Variants in CTNNBIP1 observed in about 807,000 individuals in gnomAD.
The protein encoded by CTNNBIP1 is catenin beta interacting protein 1.
A neutral mutation model predicts 11.8 loss-of-function variants in CTNNBIP1; 7 were observed. The observed-to-expected ratio is 0.60, with a 90% CI of 0.34 to 1.12. The LOEUF (loss-of-function observed/expected upper bound fraction) is 1.12. CTNNBIP1 is among the 50% of genes most tolerant of loss of function. The pLI is 0.03. For missense variants in CTNNBIP1, 101 were observed against 113.4 expected (o/e 0.89, Z 0.50); for synonymous variants, 58 against 43.9 (o/e 1.32, Z -1.26).
intron 5 of CTNNBIP1, 86 bp from the exon 6 acceptor site, chr1:9,850,862 G>T: frequency 8.0e-7 from 1 of 1,254,830 alleles, no homozygotes. Context: ...GGCCAAGCTG[G>T]AGCCCCCGCC....
At chr1:9,890,780 G>A (rs938746273) in intron 1 of CTNNBIP1, among the ~76,000 whole-genome samples, 1 of 152,220 alleles carries the variant, frequency 6.6e-6, no homozygotes, top group African/African-American at 2.4e-5. Flanking sequence ...AAGATCCTCT[G>A]TGTCAACTGG....
chr1:9,874,150 C>T (rs982658120), intron 3 of CTNNBIP1, among the ~76,000 whole-genome samples: 1 of 152,188 alleles, frequency 6.6e-6, no homozygotes, highest in South Asian at 2.1e-4. Flanking sequence ...TCCTGGCACT[C>T]GTCCGTTCTA....
intron 5 of CTNNBIP1, among the ~76,000 whole-genome samples, chr1:9,854,220 CA>C (rs1289961894): frequency 6.6e-6 from 1 of 151,994 alleles, no homozygotes; most frequent in Non-Finnish European, 1.5e-5. Context: ...ACTAAAAATA[CA>C]AAATTAGCTG....
At chr1:9,854,852 T>C (rs1239693091) in intron 5 of CTNNBIP1, among the ~76,000 whole-genome samples, 2 of 152,142 alleles carry the variant, frequency 1.3e-5, no homozygotes, top group African/African-American at 4.8e-5. Flanking sequence ...AATTTTTGTA[T>C]TTTTTGTAGA....
intron 1 of CTNNBIP1, among the ~76,000 whole-genome samples, chr1:9,906,787 A>C (rs1639628713): frequency 6.6e-6 from 1 of 152,202 alleles, no homozygotes; most frequent in Admixed American, 6.5e-5. Flanking sequence ...ATGAAAAGAC[A>C]GGGGCAGGGG....
At chr1:9,858,512 C>A (rs1218217271) in intron 5 of CTNNBIP1, among the ~76,000 whole-genome samples, 1 of 152,218 alleles carries the variant, frequency 6.6e-6, no homozygotes, top group Non-Finnish European at 1.5e-5. Context: ...GCCTTTGCAC[C>A]TGCCGCTTCT....
At chr1:9,878,691 T>C (rs914614516) in intron 2 of CTNNBIP1, among the ~76,000 whole-genome samples, 6 of 152,176 alleles carry the variant, frequency 3.9e-5, no homozygotes, top group Non-Finnish European at 8.8e-5. Context: ...AGCAAGAGCA[T>C]GGATTGCCGA....
intron 3 of CTNNBIP1, among the ~76,000 whole-genome samples, chr1:9,875,015 G>GTTTTC (rs1638935875): frequency 6.6e-6 from 1 of 152,194 alleles, no homozygotes; most frequent in African/African-American, 2.4e-5. Context: ...CTCCTGGTGA[G>GTTTTC]AGACAGGGTG....
chr1:9,876,387 C>T (rs975120622), intron 3 of CTNNBIP1, among the ~76,000 whole-genome samples: 5 of 152,056 alleles, frequency 3.3e-5, no homozygotes, highest in African/African-American at 1.2e-4. Context: ...GAGGCCGAGG[C>T]GGGCAGATCA....
chr1:9,898,195 TAAAA>T (rs1218224171), intron 1 of CTNNBIP1, among the ~76,000 whole-genome samples: 1 of 151,108 alleles, frequency 6.6e-6, no homozygotes, highest in Non-Finnish European at 1.5e-5. Context: ...TCTGATTACA[TAAAA>T]ATCAAAAACT....
chr1:9,860,448 A>C (rs1463965271), intron 5 of CTNNBIP1, among the ~76,000 whole-genome samples: 70 of 150,672 alleles, frequency 4.6e-4, no homozygotes, highest in East Asian at 1.6e-3. Flanking sequence ...AAAAAAAAAA[A>C]AAAAAACAAA....
intron 1 of CTNNBIP1, among the ~76,000 whole-genome samples, chr1:9,887,152 C>T (rs1557760428): frequency 6.6e-6 from 1 of 152,200 alleles, no homozygotes; most frequent in Admixed American, 6.5e-5. Flanking sequence ...CCAGGTGATG[C>T]TACCGAAGAA....
At chr1:9,874,079 C>T (rs1238812966) in intron 3 of CTNNBIP1, among the ~76,000 whole-genome samples, 1 of 152,160 alleles carries the variant, frequency 6.6e-6, no homozygotes, top group African/African-American at 2.4e-5. Context: ...GCCAGGGCTC[C>T]GCTGTCAGCC....
intron 2 of CTNNBIP1, among the ~76,000 whole-genome samples, chr1:9,880,510 G>A (rs1309477447): frequency 6.6e-6 from 1 of 152,070 alleles, no homozygotes; most frequent in Non-Finnish European, 1.5e-5. Flanking sequence ...GGGATTGCTG[G>A]GTCAAGTGGT....
chr1:9,889,162 C>G (rs1639245462), intron 1 of CTNNBIP1, among the ~76,000 whole-genome samples: 1 of 152,216 alleles, frequency 6.6e-6, no homozygotes, highest in Non-Finnish European at 1.5e-5. Context: ...TCCCCAGGAC[C>G]TGCACGCTGG....
At chr1:9,878,678 T>C (rs1460641236) in intron 2 of CTNNBIP1, among the ~76,000 whole-genome samples, 1 of 152,168 alleles carries the variant, frequency 6.6e-6, no homozygotes, top group East Asian at 1.9e-4. Flanking sequence ...CACAGGTTAA[T>C]GGAGCAAGAG....
intron 1 of CTNNBIP1, among the ~76,000 whole-genome samples, chr1:9,908,397 G>A (rs1327256149): frequency 5.3e-5 from 7 of 132,312 alleles, no homozygotes; most frequent in East Asian, 2.2e-4. Context: ...TTTTTGAGAC[G>A]GAGTCTCGCT....
At chr1:9,862,636 T>C (rs1250735816) in intron 5 of CTNNBIP1, among the ~76,000 whole-genome samples, 1 of 152,166 alleles carries the variant, frequency 6.6e-6, no homozygotes, top group African/African-American at 2.4e-5. Flanking sequence ...TGCCCAGCAT[T>C]CTGGAGGAGA....
chr1:9,892,151 G>C (rs527853743), intron 1 of CTNNBIP1, among the ~76,000 whole-genome samples: 2 of 151,504 alleles, frequency 1.3e-5, no homozygotes, highest in Admixed American at 6.6e-5. Context: ...GCCTGGGCGC[G>C]GTGGCTCACG....
Sources: gnomAD v4.1 joint callset for allele counts (sites outside exome capture counted in the v4.1 genomes callset) on GRCh38, gnomAD v4.1.1 for gene constraint, MANE v1.5 for transcripts, NCBI Gene and HGNC (gene_info 2026-07-23, HGNC 2026-07-21) for gene names.